The following ANXA4 variants were observed in gnomAD, a reference collection of about 807,000 sequenced individuals.
ANXA4 encodes 35-beta calcimedin.
ANXA4 carries 39 observed loss-of-function variants against 49.8 expected under a neutral mutation model. That is an observed-to-expected ratio of 0.78 (90% CI 0.61 to 1.02). ANXA4 has a LOEUF of 1.02. Among genes scored for constraint, ANXA4 ranks in the 50% least tolerant of loss-of-function variants. The pLI is 0.00. For missense variants in ANXA4, 360 were observed against 410.1 expected (o/e 0.88, Z 1.05); for synonymous variants, 134 against 152.5 (o/e 0.88, Z 0.89).
At chr2:69,712,523 A>G (rs1384261008) in intron 2 of ANXA4, among the ~76,000 whole-genome samples, 1 of 152,230 alleles carries the variant, frequency 6.6e-6, no homozygotes, top group African/African-American at 2.4e-5. Flanking sequence ...AGGGGAGACA[A>G]CCATCTCAGT....
intron 3 of ANXA4, among the ~76,000 whole-genome samples, chr2:69,729,194 A>G (rs1320419567): frequency 6.6e-6 from 1 of 152,112 alleles, no homozygotes; most frequent in Non-Finnish European, 1.5e-5. Flanking sequence ...TCACATTTTT[A>G]GTAGAGACAG....
intron 1 of ANXA4, among the ~76,000 whole-genome samples, chr2:69,775,219 G>T (rs936732969): frequency 5.3e-5 from 8 of 152,192 alleles, no homozygotes; most frequent in Admixed American, 5.2e-4. Flanking sequence ...TTTGCCATTG[G>T]TGGGTGGCTT....
rs938918616 is a variant in ANXA4, at chr2:69,826,850, G to A, written c.*1335G>A. ...TTCTCTGATCCACTTTTCACCTTCT[G>A]AGGTTTTTCATCTTGGCCCCTGAAA... On this transcript the variant is annotated 3_prime_UTR_variant, in exon 13 of 13. Coordinates refer to ENST00000394295, the MANE Select transcript of ANXA4 (RefSeq NM_001153.5). 3 of 151,042 alleles carry A rather than the reference G, an allele frequency of 2.0e-5. No individual in the cohort carries two copies. Among genetic ancestry groups the A allele is most frequent in the African/African-American group, 7.3e-5 (3 of 41,106 alleles). 9.4% of individuals were successfully genotyped at this position (151,042 alleles called of 1,614,324 possible).
At chr2:69,681,849 T>C (rs1399352832) in intron 2 of ANXA4, among the ~76,000 whole-genome samples, 6 of 152,084 alleles carry the variant, frequency 3.9e-5, no homozygotes, top group Non-Finnish European at 7.4e-5. Flanking sequence ...CTTTTTTTTT[T>C]CCTTTGAGTC....
At chr2:69,778,775 CAAAAAAAA>C (rs58688910) in intron 1 of ANXA4, among the ~76,000 whole-genome samples, 4 of 36,564 alleles carry the variant, frequency 1.1e-4, no homozygotes, top group Non-Finnish European at 1.6e-4. Context: ...AACTCTGTCT[CAAAAAAAA>C]AAAAAAAAAA....
chr2:69,688,110 G>A (rs1305501375), intron 2 of ANXA4, among the ~76,000 whole-genome samples: 2 of 152,098 alleles, frequency 1.3e-5, no homozygotes, highest in Non-Finnish European at 2.9e-5. Flanking sequence ...ATGGTTAGAT[G>A]GGTTTCTTAA....
At chr2:69,738,709 A>G (rs1043103619), upstream of ANXA4, among the ~76,000 whole-genome samples, 4 of 152,298 alleles carry the variant, frequency 2.6e-5, no homozygotes, top group African/African-American at 7.2e-5. Flanking sequence ...CATGAAGGAA[A>G]TCTGACCCTG....
intron 3 of ANXA4, among the ~76,000 whole-genome samples, chr2:69,733,673 C>T (rs1289722725): frequency 6.6e-6 from 1 of 151,428 alleles, no homozygotes; most frequent in African/African-American, 2.4e-5. Flanking sequence ...GAACTCTAGT[C>T]CAGTTCATAA....
intron 3 of ANXA4, among the ~76,000 whole-genome samples, chr2:69,728,922 C>T (rs1276956429): frequency 2.6e-5 from 4 of 152,140 alleles, no homozygotes; most frequent in East Asian, 1.9e-4. Flanking sequence ...TTTTTTGGCT[C>T]ATTTGAATTT....
At chr2:69,820,953 C>T in intron 12 of ANXA4, 132 bp downstream of exon 12, 1 of 1,008,846 alleles carries the variant, frequency 9.9e-7, no homozygotes, top group South Asian at 2.1e-5. Flanking sequence ...CCCGATATTT[C>T]CAGTCTCTCC....
intron 2 of ANXA4, among the ~76,000 whole-genome samples, chr2:69,678,418 G>A (rs1677484765): frequency 8.1e-6 from 1 of 123,430 alleles, no homozygotes; most frequent in Non-Finnish European, 1.6e-5. Flanking sequence ...TTTTGAGTCA[G>A]GGTCTTACTC....
intron 2 of ANXA4, among the ~76,000 whole-genome samples, chr2:69,671,616 G>A (rs985338348): frequency 3.3e-5 from 5 of 152,120 alleles, no homozygotes; most frequent in Admixed American, 2.0e-4. Context: ...TCAGCTACTC[G>A]GGGGGCTGAA....
At chr2:69,663,339 C>G in intron 2 of ANXA4, among the ~76,000 whole-genome samples, 1 of 109,590 alleles carries the variant, frequency 9.1e-6, no homozygotes, top group African/African-American at 3.5e-5. Context: ...CTAAATATAG[C>G]ACACTTACAT....
intron 2 of ANXA4, among the ~76,000 whole-genome samples, chr2:69,785,558 T>C (rs1210435030): frequency 6.6e-6 from 1 of 151,832 alleles, no homozygotes; most frequent in Non-Finnish European, 1.5e-5. Flanking sequence ...TCTTTGATGA[T>C]GATGATGATG....
intron 1 of ANXA4, among the ~76,000 whole-genome samples, chr2:69,747,550 C>G (rs1387176122): frequency 6.6e-6 from 1 of 152,154 alleles, no homozygotes; most frequent in African/African-American, 2.4e-5. Context: ...GCCATGGATC[C>G]TTTCTTGATA....
At chr2:69,661,140 G>C (rs1676701145) in intron 2 of ANXA4, among the ~76,000 whole-genome samples, 1 of 150,198 alleles carries the variant, frequency 6.7e-6, no homozygotes, top group Admixed American at 6.7e-5. Flanking sequence ...AAAGTGGGTA[G>C]GAAAATATAA....
intron 2 of ANXA4, among the ~76,000 whole-genome samples, chr2:69,783,553 A>T (rs1219802146): frequency 6.6e-6 from 1 of 152,140 alleles, no homozygotes; most frequent in African/African-American, 2.4e-5. Context: ...AATTCTCTAT[A>T]ATATTTTTTA....
chr2:69,753,654 T>G (rs1318171412), intron 1 of ANXA4, among the ~76,000 whole-genome samples: 2 of 152,238 alleles, frequency 1.3e-5, no homozygotes, highest in Non-Finnish European at 2.9e-5. Flanking sequence ...AGGTTTGTCC[T>G]TATTTCTTTT....
intron 3 of ANXA4, among the ~76,000 whole-genome samples, chr2:69,803,196 G>GA (rs1180414694): frequency 5.4e-4 from 71 of 130,754 alleles, no homozygotes; most frequent in African/African-American, 6.2e-4. Context: ...CTCAAAAAAA[G>GA]AAAAAAAAAA....
Sources: gnomAD v4.1 joint callset for allele counts (sites outside exome capture counted in the v4.1 genomes callset) on GRCh38, gnomAD v4.1.1 for gene constraint, MANE v1.5 for transcripts, NCBI Gene and HGNC (gene_info 2026-07-23, HGNC 2026-07-21) for gene names.